HPSE2: variants seen among roughly 807,000 people sequenced by gnomAD.
HPSE2 encodes heparanase 2 (inactive).
A neutral mutation model predicts 60.5 loss-of-function variants in HPSE2; 38 were observed. The ratio of observed to expected loss-of-function variants is 0.63; its 90% CI spans 0.48 to 0.82. The LOEUF (loss-of-function observed/expected upper bound fraction) is 0.82. Among genes scored for constraint, HPSE2 ranks in the 40% least tolerant of loss-of-function variants. The pLI, the probability that HPSE2 is intolerant of heterozygous loss-of-function variation, is 0.00. For synonymous variants in HPSE2, 295 were observed against 293.2 expected (o/e 1.01, Z -0.06); for missense variants, 713 against 740.4 (o/e 0.96, Z 0.43).
upstream of HPSE2, chr10:99,235,999 C>G (rs375786418): frequency 3.1e-5 from 11 of 351,118 alleles, no homozygotes; most frequent in African/African-American, 3.7e-4. Context: ...TTGTTTTTTT[C>G]TTTTTTTTTT....
At chr10:99,244,568 A>ATTTT in the HPSE2 span, among the ~76,000 whole-genome samples, 121 of 73,718 alleles carry the variant, frequency 1.6e-3, no homozygotes, top group Non-Finnish European at 2.2e-3. Context: ...CTATGCCTGG[A>ATTTT]TTTTTTTTTT....
At chr10:98,891,376 C>T (rs771346125) in intron 3 of HPSE2, among the ~76,000 whole-genome samples, 11 of 152,048 alleles carry the variant, frequency 7.2e-5, no homozygotes, top group Non-Finnish European at 1.2e-4. Context: ...ACATTTATTT[C>T]TAATTTACTC....
At chr10:98,900,437 T>G (rs969958212) in intron 3 of HPSE2, among the ~76,000 whole-genome samples, 7 of 152,112 alleles carry the variant, frequency 4.6e-5, no homozygotes, top group Admixed American at 4.6e-4. Context: ...GAAAAGTTGG[T>G]AAGAGGCGTG....
chr10:98,925,091 G>A (rs1954411464), intron 3 of HPSE2, among the ~76,000 whole-genome samples: 1 of 152,242 alleles, frequency 6.6e-6, no homozygotes, highest in African/African-American at 2.4e-5. Context: ...GCCACTGCTA[G>A]GGGATGGAGG....
At chr10:99,233,651 A>C (rs959287603) in intron 1 of HPSE2, among the ~76,000 whole-genome samples, 2 of 152,214 alleles carry the variant, frequency 1.3e-5, no homozygotes, top group African/African-American at 2.4e-5. Context: ...AGCATCATAA[A>C]GGAGGTGGAT....
chr10:98,970,197 A>T (rs1446382559), intron 3 of HPSE2, among the ~76,000 whole-genome samples: 4 of 152,252 alleles, frequency 2.6e-5, no homozygotes, highest in African/African-American at 9.6e-5. Flanking sequence ...TCCTGGCTTC[A>T]GGTGATCTGC....
intron 6 of HPSE2, among the ~76,000 whole-genome samples, chr10:98,670,238 G>A (rs1193264962): frequency 4.6e-5 from 7 of 152,126 alleles, no homozygotes; most frequent in African/African-American, 1.7e-4. Flanking sequence ...CAGATGAAGA[G>A]ACATTAAGGA....
intron 2 of HPSE2, among the ~76,000 whole-genome samples, chr10:99,226,381 T>C (rs1208054540): frequency 6.6e-6 from 1 of 152,108 alleles, no homozygotes; most frequent in African/African-American, 2.4e-5. Flanking sequence ...AACTACACTA[T>C]TGGTTCATTG....
At chr10:98,742,666 C>G in intron 4 of HPSE2, among the ~76,000 whole-genome samples, 1 of 151,888 alleles carries the variant, frequency 6.6e-6, no homozygotes, top group Middle Eastern at 3.2e-3. Context: ...ACATATGTCA[C>G]AAATAAATAT....
At chr10:99,243,421 CTCTACTGACTACACT>C in the HPSE2 span, among the ~76,000 whole-genome samples, 2 of 152,076 alleles carry the variant, frequency 1.3e-5, no homozygotes, top group Non-Finnish European at 2.9e-5. Flanking sequence ...CTAATGCCAG[CTCTACTGACTACACT>C]TCGAGTATGT....
At chr10:98,505,649 A>G (rs114611489) in intron 9 of HPSE2, among the ~76,000 whole-genome samples, 2,419 of 152,304 alleles carry the variant, frequency 0.016, 62 homozygotes, top group African/African-American at 0.056. Context: ...TTAAACTTTT[A>G]AAGTTCTTTT....
At chr10:98,912,448 A>G (rs1954005771) in intron 3 of HPSE2, among the ~76,000 whole-genome samples, 1 of 152,212 alleles carries the variant, frequency 6.6e-6, no homozygotes, top group Admixed American at 6.5e-5. Flanking sequence ...CTGGGCATAT[A>G]CCCAAAAGAA....
intron 3 of HPSE2, among the ~76,000 whole-genome samples, chr10:98,945,656 G>C (rs778516611): frequency 1.3e-5 from 2 of 152,132 alleles, no homozygotes; most frequent in African/African-American, 4.8e-5. Context: ...TTTGGGATGC[G>C]AAGAGGCTTA....
At chr10:99,016,983 G>A (rs2135416209) in intron 3 of HPSE2, among the ~76,000 whole-genome samples, 2 of 152,238 alleles carry the variant, frequency 1.3e-5, no homozygotes, top group South Asian at 2.1e-4. Flanking sequence ...AACAAGGATA[G>A]TTTGACTTCC....
chr10:99,076,902 G>T (rs1181148190), intron 3 of HPSE2, among the ~76,000 whole-genome samples: 1 of 152,150 alleles, frequency 6.6e-6, no homozygotes, highest in African/African-American at 2.4e-5. Context: ...GGTCTGGGTC[G>T]CAAAGAACTC....
intron 3 of HPSE2, among the ~76,000 whole-genome samples, chr10:99,125,500 C>A (rs960560404): frequency 6.6e-6 from 1 of 152,190 alleles, no homozygotes; most frequent in Non-Finnish European, 1.5e-5. Flanking sequence ...ATGGACAGAA[C>A]AGCATGTGGA....
At chr10:99,227,422 T>C (rs1422362138) in intron 2 of HPSE2, among the ~76,000 whole-genome samples, 3 of 152,126 alleles carry the variant, frequency 2.0e-5, no homozygotes, top group Non-Finnish European at 4.4e-5. Context: ...AATGTAGTTC[T>C]AGTGCAAGGC....
chr10:99,069,638 A>G (rs942740917), intron 3 of HPSE2, among the ~76,000 whole-genome samples: 3 of 151,154 alleles, frequency 2.0e-5, no homozygotes, highest in African/African-American at 7.3e-5. Flanking sequence ...CTAATACTCA[A>G]TCTTCTTCAC....
the HPSE2 span, among the ~76,000 whole-genome samples, chr10:99,310,107 G>A: frequency 9.2e-5 from 14 of 152,132 alleles, no homozygotes; most frequent in African/African-American, 2.7e-4. Flanking sequence ...TCTGCTCTGC[G>A]TATTTCTAAC....
Sources: gnomAD v4.1 joint callset for allele counts (sites outside exome capture counted in the v4.1 genomes callset) on GRCh38, gnomAD v4.1.1 for gene constraint, MANE v1.5 for transcripts, NCBI Gene and HGNC (gene_info 2026-07-23, HGNC 2026-07-21) for gene names.